Variants in DEFB121 observed in about 807,000 individuals in gnomAD.
DEFB121 encodes beta-defensin 121.
Under a neutral mutation model 2.5 loss-of-function variants are expected in DEFB121, and 5 were observed. The ratio of observed to expected loss-of-function variants is 1.96; its 90% CI spans 1.03 to 4.13. DEFB121 has a LOEUF of 4.13. DEFB121 is among the 30% of genes most tolerant of loss of function. The probability of loss-of-function intolerance (pLI) is 0.00; values close to 1 mark genes in which losing one functional copy is unlikely to be tolerated. For missense variants in DEFB121, 87 were observed against 85.0 expected (o/e 1.02, Z -0.09); for synonymous variants, 39 against 32.6 (o/e 1.20, Z -0.67).
At chr20:31,415,811 C>A (rs1445930376), upstream of DEFB121, among the ~76,000 whole-genome samples, 1 of 152,008 alleles carries the variant, frequency 6.6e-6, no homozygotes, top group Non-Finnish European at 1.5e-5. Flanking sequence ...GTACTTCAGG[C>A]AAGGGAGCAG....
upstream of DEFB121, among the ~76,000 whole-genome samples, chr20:31,409,688 C>A (rs1377598921): frequency 6.6e-6 from 1 of 152,074 alleles, no homozygotes; most frequent in African/African-American, 2.4e-5. Flanking sequence ...TTGCAGTGAA[C>A]CTGAGCCAAG....
At chr20:31,412,784 C>G in exon 1 of DEFB121, 5 of 808,122 alleles carry the variant, frequency 6.2e-6, no homozygotes, top group Non-Finnish European at 8.8e-6. Context: ...TTGAAAATTG[C>G]ATCTCAAATC....
upstream of DEFB121, among the ~76,000 whole-genome samples, chr20:31,415,394 C>T (rs1334262228): frequency 1.3e-5 from 2 of 151,988 alleles, no homozygotes; most frequent in Non-Finnish European, 2.9e-5. Context: ...GGATCACAGG[C>T]ACCAGCCACC....
upstream of DEFB121, among the ~76,000 whole-genome samples, chr20:31,416,969 G>T (rs1978823924): frequency 6.6e-6 from 1 of 152,108 alleles, no homozygotes; most frequent in Non-Finnish European, 1.5e-5. Context: ...CAGGGAGACT[G>T]ATCTCAAGCA....
upstream of DEFB121, among the ~76,000 whole-genome samples, chr20:31,413,254 A>G (rs376194044): frequency 3.0e-4 from 45 of 152,368 alleles, 1 homozygote; most frequent in East Asian, 5.6e-3. Context: ...TTATTGAGGA[A>G]AATGGGAAAC....
At chr20:31,410,894 C>T (rs147775702), upstream of DEFB121, among the ~76,000 whole-genome samples, 20 of 151,732 alleles carry the variant, frequency 1.3e-4, no homozygotes, top group East Asian at 1.2e-3. Context: ...TTGCAGAAGT[C>T]TTAGTCTAGA....
upstream of DEFB121, among the ~76,000 whole-genome samples, chr20:31,407,837 G>A (rs546244794): frequency 1.1e-4 from 16 of 152,286 alleles, no homozygotes; most frequent in African/African-American, 3.8e-4. Context: ...GAGTGCCGTG[G>A]CACCATCTCA....
At chr20:31,413,037 C>A (rs1401364996), upstream of DEFB121, among the ~76,000 whole-genome samples, 1 of 152,206 alleles carries the variant, frequency 6.6e-6, no homozygotes, top group East Asian at 1.9e-4. Context: ...CTCTTTCCCT[C>A]AATTGTTCAT....
At position 31,412,705 on chromosome 20, in the gene DEFB121, C is replaced by T. The variant is rs55776721; in HGVS notation, n.134G>A. ...GGCTTTTCATTGTCAACACAGTCAA[C>T]GCTCAATACAAGGGACATTAGGATT... is the stretch of plus-strand genomic sequence containing the variant. On this transcript the variant is annotated non_coding_transcript_exon_variant, in exon 1 of 2. Transcript: ENST00000376312. The T allele has an allele frequency of 1.8e-3, 2,306 of 1,282,332 alleles. 32 individuals are homozygous for T. The African/African-American group carries it at 0.031, about 17-fold the overall frequency. The allele number at this position is 1,282,332 out of a possible 1,614,324, so 79.4% of individuals were successfully genotyped here.
chr20:31,406,933 A>T (rs1363008797), upstream of DEFB121, among the ~76,000 whole-genome samples: 1 of 152,056 alleles, frequency 6.6e-6, no homozygotes, highest in African/African-American at 2.4e-5. Context: ...CCAAAGTGCT[A>T]GGATTAAAGG....
chr20:31,416,596 A>G (rs1978812697), upstream of DEFB121, among the ~76,000 whole-genome samples: 2 of 152,172 alleles, frequency 1.3e-5, no homozygotes, highest in African/African-American at 4.8e-5. Context: ...CCTCTAAACA[A>G]CCCTTGCCTT....
chr20:31,410,135 C>T (rs1978616974), upstream of DEFB121, among the ~76,000 whole-genome samples: 1 of 152,092 alleles, frequency 6.6e-6, no homozygotes, highest in African/African-American at 2.4e-5. Context: ...AAAATATATA[C>T]ACATTTAATG....
upstream of DEFB121, among the ~76,000 whole-genome samples, chr20:31,407,823 G>T (rs1978532078): frequency 6.6e-6 from 1 of 152,116 alleles, no homozygotes; most frequent in Non-Finnish European, 1.5e-5. Context: ...TGTTGCCCAG[G>T]CTGGAGTGCC....
At chr20:31,415,672 G>A (rs997161373), upstream of DEFB121, among the ~76,000 whole-genome samples, 17 of 151,980 alleles carry the variant, frequency 1.1e-4, no homozygotes, top group Admixed American at 2.0e-4. Flanking sequence ...ACAGTAGAAC[G>A]GAGCATGGGA....
chr20:31,415,411 G>A (rs377083303), upstream of DEFB121, among the ~76,000 whole-genome samples: 43 of 152,008 alleles, frequency 2.8e-4, no homozygotes, highest in Middle Eastern at 3.4e-3. Flanking sequence ...CACCATGCCT[G>A]GCTAATTTTT....
At chr20:31,412,570 G>C (rs1207059796) in intron 1 of DEFB121, 3 of 1,255,556 alleles carry the variant, frequency 2.4e-6, no homozygotes, top group East Asian at 1.1e-4. Context: ...GCCTGGCATA[G>C]AGGAAAGCCT....
upstream of DEFB121, among the ~76,000 whole-genome samples, chr20:31,417,740 A>G (rs1384780368): frequency 1.3e-5 from 2 of 152,066 alleles, no homozygotes; most frequent in Admixed American, 6.6e-5. Context: ...AGGCAGGCCA[A>G]TCACCTGAGG....
At chr20:31,412,731 G>C in exon 1 of DEFB121, 1 of 1,216,266 alleles carries the variant, frequency 8.2e-7, no homozygotes, top group Non-Finnish European at 1.1e-6. Context: ...CATTAGGATT[G>C]GCAGTAGCTC....
At chr20:31,405,539 C>A (rs1175599083) in intron 1 of DEFB121, among the ~76,000 whole-genome samples, 4 of 152,194 alleles carry the variant, frequency 2.6e-5, no homozygotes, top group Admixed American at 2.0e-4. Context: ...TCTTCTAGGG[C>A]ACCTTTAAAA....
Sources: allele counts gnomAD v4.1 joint callset (sites outside exome capture counted in the v4.1 genomes callset), GRCh38; gene constraint gnomAD v4.1.1; transcripts MANE v1.5; gene names NCBI Gene and HGNC (gene_info 2026-07-23, HGNC 2026-07-21).